The following CACNA2D2 variants were observed in gnomAD, a reference collection of about 807,000 sequenced individuals.
CACNA2D2 encodes calcium voltage-gated channel auxiliary subunit alpha2delta 2.
Under a neutral mutation model 166.4 loss-of-function variants are expected in CACNA2D2, and 48 were observed. That is an observed-to-expected ratio of 0.29 (90% CI 0.23 to 0.37). The LOEUF (loss-of-function observed/expected upper bound fraction) is 0.37, where lower values mean the gene tolerates loss of function less well. Ranked by LOEUF, CACNA2D2 falls within the 10% of genes least tolerant of loss-of-function variation. CACNA2D2 has a pLI of 1.00. For missense variants in CACNA2D2, 1,122 were observed against 1,433.0 expected (o/e 0.78, Z 3.50); for synonymous variants, 561 against 573.7 (o/e 0.98, Z 0.32).
chr3:50,435,232 G>C (rs901924861), intron 2 of CACNA2D2, among the ~76,000 whole-genome samples: 2 of 151,976 alleles, frequency 1.3e-5, no homozygotes, highest in African/African-American at 4.8e-5. Context: ...TAACCCCCCA[G>C]GGGCTTGTGA....
At position 50,368,246 on chromosome 3, in the gene CACNA2D2, G is replaced by T; in HGVS notation, c.2046-11C>A. On this transcript the variant is annotated splice_polypyrimidine_tract_variant and intron_variant, in intron 23 of 37. Transcript: ENST00000424201. ...TCCTTGCAGTACTCTCTAGGGATGG[G>T]GAGGGGCAAGAAGAGTGGGCTTGGG... The T allele has an allele frequency of 6.4e-7, 1 of 1,565,300 alleles. No homozygotes were observed. The highest frequency in any genetic ancestry group is 8.8e-7 in the Non-Finnish European group (1 of 1,135,590).
At chr3:50,433,984 C>T (rs956396775) in intron 3 of CACNA2D2, among the ~76,000 whole-genome samples, 3 of 152,156 alleles carry the variant, frequency 2.0e-5, no homozygotes, top group Admixed American at 6.5e-5. Flanking sequence ...CAGGGCACCA[C>T]CCATAAACAA....
chr3:50,422,428 C>G (rs998985986), intron 3 of CACNA2D2, among the ~76,000 whole-genome samples: 8 of 152,200 alleles, frequency 5.3e-5, no homozygotes, highest in Non-Finnish European at 1.2e-4. Context: ...TAGCCTCAGC[C>G]TCAATGCCCC....
chr3:50,499,116 T>G (rs2107187479), intron 1 of CACNA2D2, among the ~76,000 whole-genome samples: 1 of 152,260 alleles, frequency 6.6e-6, no homozygotes, highest in South Asian at 2.1e-4. Context: ...TGGCCCAATG[T>G]CTTCCTCAAG....
In CACNA2D2 at chr3:50,384,178, A is replaced by T; in HGVS notation, c.652+18T>A. 2 of 1,612,534 alleles carry T rather than the reference A, an allele frequency of 1.2e-6. No homozygotes were observed. The highest frequency in any genetic ancestry group is 1.7e-6 in the Non-Finnish European group (2 of 1,178,978). ...ACAGCAGGTGGGATGGGCTGTCCCG[A>T]TTGCTCTGCACACTCACAGCCTTTG... On this transcript the variant is annotated intron_variant, in intron 6 of 37. Coordinates refer to ENST00000424201, the MANE Select transcript of CACNA2D2 (RefSeq NM_006030.4).
At chr3:50,457,317 CCAGCTCACA>C (rs1011286170) in intron 2 of CACNA2D2, among the ~76,000 whole-genome samples, 2 of 152,166 alleles carry the variant, frequency 1.3e-5, no homozygotes, top group African/African-American at 4.8e-5. Context: ...GGCAGGTAGT[CCAGCTCACA>C]CAGTCTCTCG....
intron 5 of CACNA2D2, 109 bp downstream of exon 5, chr3:50,387,459 G>T: frequency 1.1e-6 from 1 of 917,592 alleles, no homozygotes; most frequent in Non-Finnish European, 1.8e-6. Flanking sequence ...TGTCACCACG[G>T]CTCTGCAGGG....
chr3:50,456,464 G>C (rs567947709), intron 2 of CACNA2D2, among the ~76,000 whole-genome samples: 7 of 152,336 alleles, frequency 4.6e-5, no homozygotes, highest in African/African-American at 1.7e-4. Flanking sequence ...ACTGGCCTGG[G>C]ATAGGGTCTG....
rs544555208 is a variant in CACNA2D2, at chr3:50,413,702, C to G, written c.406-19534G>C. ...ACTCTACTAAAAATACATAAATTAG[C>G]CGGGTGTGGTGACGCACGCCTGTAA... On this transcript the variant is annotated intron_variant, in intron 3 of 37. Coordinates refer to ENST00000424201, the MANE Select transcript of CACNA2D2 (RefSeq NM_006030.4). Among the ~76,000 whole-genome samples the G allele has an allele frequency of 1.7e-4, 26 of 152,230 alleles. No homozygotes were observed. In the South Asian group the frequency reaches 5.0e-3, roughly 29 times the overall value.
At chr3:50,429,770 GAA>G (rs777336718) in intron 3 of CACNA2D2, among the ~76,000 whole-genome samples, 2 of 135,558 alleles carry the variant, frequency 1.5e-5, no homozygotes, top group African/African-American at 5.4e-5. Context: ...ACTCCGTCTC[GAA>G]AAAAAAAAAA....
intron 1 of CACNA2D2, among the ~76,000 whole-genome samples, chr3:50,496,391 G>C (rs1347384240): frequency 2.0e-5 from 3 of 152,226 alleles, no homozygotes; most frequent in African/African-American, 4.8e-5. Context: ...GAACACGTCT[G>C]ACACATGCAC....
chr3:50,377,901 C>T, intron 15 of CACNA2D2, 98 bp from the exon 16 acceptor site: 1 of 1,490,266 alleles, frequency 6.7e-7, no homozygotes, highest in Non-Finnish European at 9.3e-7. Flanking sequence ...CCTCTTTCTC[C>T]TGTGCTTGGT....
intron 2 of CACNA2D2, among the ~76,000 whole-genome samples, chr3:50,456,664 C>T (rs914531874): frequency 6.6e-6 from 1 of 152,214 alleles, no homozygotes; most frequent in African/African-American, 2.4e-5. Context: ...CCCTTTCTCA[C>T]TCAGTCCTAC....
chr3:50,495,422 C>T (rs186551933), intron 1 of CACNA2D2, among the ~76,000 whole-genome samples: 7 of 152,338 alleles, frequency 4.6e-5, no homozygotes, highest in Non-Finnish European at 7.3e-5. Context: ...AACTCTCAGA[C>T]AACAGAACCC....
chr3:50,370,284 G>A, intron 23 of CACNA2D2, 36 bp downstream of exon 23: 1 of 1,525,346 alleles, frequency 6.6e-7, no homozygotes. Flanking sequence ...GGTCAGGGTA[G>A]GGGAGGACAC....
At chr3:50,399,945 G>A (rs1706360462) in intron 3 of CACNA2D2, among the ~76,000 whole-genome samples, 1 of 152,148 alleles carries the variant, frequency 6.6e-6, no homozygotes, top group Non-Finnish European at 1.5e-5. Context: ...CTGGATCCAG[G>A]CCACGGGAGG....
chr3:50,434,359 G>C lies in CACNA2D2; in HGVS notation c.359C>G (p.Ala120Gly), dbSNP rs1269459518. Residue 120 changes from alanine (A) to glycine (G), a missense_variant, in exon 3 of 38, where the codon GCA becomes GGA. Coordinates refer to ENST00000424201, the MANE Select transcript of CACNA2D2 (RefSeq NM_006030.4). ...GTCCAGAAGGCTCTCAATGTCCCCT[G>C]CCACCTTCTCCACCAACTTCTGAGG... is the stretch of plus-strand genomic sequence containing the variant. ...NEPQKLVEKV[A>G]GDIESLLDRK... The C allele has an allele frequency of 6.2e-7, 1 of 1,613,944 alleles. No individual in the cohort carries two copies. The highest frequency in any genetic ancestry group is 1.3e-5 in the African/African-American group (1 of 74,898).
chr3:50,408,820 C>T (rs72936976), intron 3 of CACNA2D2, among the ~76,000 whole-genome samples: 90 of 152,342 alleles, frequency 5.9e-4, no homozygotes, highest in African/African-American at 2.0e-3. Flanking sequence ...CTCACAGATG[C>T]CTAGCAACGG....
chr3:50,418,343 T>C (rs2106827841), intron 3 of CACNA2D2, among the ~76,000 whole-genome samples: 1 of 152,314 alleles, frequency 6.6e-6, no homozygotes, highest in Middle Eastern at 3.4e-3. Context: ...AAGTTCCCAC[T>C]GCTCTTTCTA....
Sources: allele counts gnomAD v4.1 joint callset (sites outside exome capture counted in the v4.1 genomes callset), GRCh38; gene constraint gnomAD v4.1.1; transcripts MANE v1.5; gene names NCBI Gene and HGNC (gene_info 2026-07-23, HGNC 2026-07-21).